The following RIDA variants were observed in gnomAD, a reference collection of about 807,000 sequenced individuals.
RIDA encodes reactive intermediate imine deaminase A.
A neutral mutation model predicts 17.8 loss-of-function variants in RIDA; 17 were observed. The ratio of observed to expected loss-of-function variants is 0.96; its 90% CI spans 0.65 to 1.43. The LOEUF is 1.43. Ranked by LOEUF, RIDA falls within the 40% of genes most tolerant of loss-of-function variation. RIDA has a pLI of 0.00. For synonymous variants in RIDA, 48 were observed against 55.7 expected (o/e 0.86, Z 0.62); for missense variants, 158 against 161.7 (o/e 0.98, Z 0.12).
Position 98,105,937 on chromosome 8 carries a change from C to T in RIDA, c.295+1G>A. On this transcript the variant is annotated splice_donor_variant, in intron 4 of 5. Coordinates refer to ENST00000254878, the MANE Select transcript of RIDA (RefSeq NM_005836.3). LOFTEE classifies it high-confidence loss of function. Reference sequence around the variant, plus strand: ...AATAGGAATAAAGCCAAATTACTTACACTGTTTGTAGATTTCATTGACAGT... The same window carrying T: ...AATAGGAATAAAGCCAAATTACTTATACTGTTTGTAGATTTCATTGACAGT... 6.3e-7 allele frequency: 1 copy of T among 1,589,248 alleles called. No homozygotes were observed. Among genetic ancestry groups the T allele is most frequent in the Non-Finnish European group, 8.6e-7 (1 of 1,158,178 alleles).
Position 98,102,827 on chromosome 8 carries a change from CA to C in RIDA, c.*14del, listed in dbSNP as rs1815578163. 3 of 1,578,504 alleles carry C rather than the reference CA, an allele frequency of 1.9e-6. No homozygotes were observed. The highest frequency in any genetic ancestry group is 2.6e-6 in the Non-Finnish European group (3 of 1,155,782). ...AAAATGTTAACAATTCCAGACTACA[CA>C]GCACTGGGCCCACTTATAGTGATGC... is the stretch of plus-strand genomic sequence containing the variant. On this transcript the variant is annotated 3_prime_UTR_variant, in exon 6 of 6. Transcript: ENST00000254878.
intron 4 of RIDA, among the ~76,000 whole-genome samples, chr8:98,104,774 G>A (rs889043226): frequency 1.1e-4 from 17 of 151,994 alleles, no homozygotes; most frequent in African/African-American, 3.9e-4. Context: ...GAAGTGATGC[G>A]ATCTCAGCTT....
chr8:98,107,535 A>G (rs1041436570), intron 2 of RIDA, among the ~76,000 whole-genome samples: 3 of 152,174 alleles, frequency 2.0e-5, no homozygotes, highest in African/African-American at 7.2e-5. Context: ...AAACAAAACA[A>G]AACAAAACAA....
At chr8:98,109,423 T>C (rs1358878268) in intron 1 of RIDA, among the ~76,000 whole-genome samples, 1 of 152,076 alleles carries the variant, frequency 6.6e-6, no homozygotes, top group Non-Finnish European at 1.5e-5. Flanking sequence ...TAGTAGTCAT[T>C]AGAGAAATGC....
intron 5 of RIDA, among the ~76,000 whole-genome samples, chr8:98,103,170 G>A (rs189527006): frequency 5.3e-5 from 8 of 152,274 alleles, no homozygotes; most frequent in Admixed American, 3.9e-4. Flanking sequence ...AGAATGATAT[G>A]CTGAAGTGTA....
intron 1 of RIDA, among the ~76,000 whole-genome samples, chr8:98,112,180 A>C (rs1185793484): frequency 7.4e-6 from 1 of 135,192 alleles, no homozygotes; most frequent in East Asian, 2.0e-4. Flanking sequence ...TGTTATCATA[A>C]ATAAAACTAT....
In RIDA at chr8:98,106,022, A is replaced by G; in HGVS notation, c.227-16T>C. The G allele has an allele frequency of 6.4e-7, 1 of 1,562,918 alleles. No individual in the cohort carries two copies. Among genetic ancestry groups the G allele is most frequent in the Non-Finnish European group, 8.8e-7 (1 of 1,133,678 alleles). On this transcript the variant is annotated splice_polypyrimidine_tract_variant and intron_variant, in intron 3 of 5. Coordinates refer to ENST00000254878, the MANE Select transcript of RIDA (RefSeq NM_005836.3). ...GTTTTCACCACTAGAAGATATAAAC[A>G]TTGTCATTAGGTTTAGTTATTTGGT...
At chr8:98,105,713 T>C (rs1438352733) in intron 4 of RIDA, among the ~76,000 whole-genome samples, 2 of 152,188 alleles carry the variant, frequency 1.3e-5, no homozygotes, top group East Asian at 1.9e-4. Flanking sequence ...AAAATGGATA[T>C]GTAGGATTTC....
At chr8:98,106,428 A>C in intron 2 of RIDA, 102 bp from the exon 3 acceptor site, 1 of 936,342 alleles carries the variant, frequency 1.1e-6, no homozygotes, top group Admixed American at 2.1e-5. Flanking sequence ...TAAATAGCCT[A>C]TGTTGCAGAA....
In RIDA at chr8:98,112,195, A is replaced by AACAC. The variant is rs56178607; in HGVS notation, c.66-3448_66-3445dup. Among the ~76,000 whole-genome samples, 690 of 148,054 alleles carry AACAC rather than the reference A, an allele frequency of 4.7e-3. 4 individuals are homozygous for AACAC. The highest frequency in any genetic ancestry group is 9.3e-3 in the South Asian group (43 of 4,614). ...TGTTATCATAAATAAAACTATACTA[A>AACAC]ACACACACACACACACACACACACA... On this transcript the variant is annotated intron_variant, in intron 1 of 5. Transcript: ENST00000254878.
chr8:98,105,312 G>A (rs566639850), intron 4 of RIDA, among the ~76,000 whole-genome samples: 227 of 152,220 alleles, frequency 1.5e-3, no homozygotes, highest in African/African-American at 5.2e-3. Context: ...TTCTTCAGGA[G>A]AGAATAAGTA....
At chr8:98,112,226 T>G (rs1032966815) in intron 1 of RIDA, among the ~76,000 whole-genome samples, 5 of 95,224 alleles carry the variant, frequency 5.3e-5, no homozygotes, top group African/African-American at 2.3e-4. Flanking sequence ...ACACACACTT[T>G]CTCTAAGTAA....
At position 98,102,769 on chromosome 8, in the gene RIDA, GTTAA is replaced by G. The variant is rs1815577109; in HGVS notation, c.*69_*72del. On this transcript the variant is annotated 3_prime_UTR_variant, in exon 6 of 6. Transcript: ENST00000254878. Reference sequence around the variant, plus strand: ...TGTCATCAATTGTGAAAATTAAAAGGTTAATTAAGATGTTACATCAATTGTAAAA... The same window carrying G: ...TGTCATCAATTGTGAAAATTAAAAGGTTAAGATGTTACATCAATTGTAAAA... The G allele has an allele frequency of 1.8e-5, 18 of 1,008,998 alleles. No homozygotes were observed. Among genetic ancestry groups the G allele is most frequent in the Non-Finnish European group, 2.4e-5 (16 of 678,310 alleles). The allele number at this position is 1,008,998 out of a possible 1,614,324, so 62.5% of individuals were successfully genotyped here. A position where few individuals can be genotyped will look rare whatever the true frequency, so the allele number is the denominator to read the frequency against.
At chr8:98,104,666 T>C in intron 4 of RIDA, 122 bp from the exon 5 acceptor site, 1 of 646,750 alleles carries the variant, frequency 1.5e-6, no homozygotes, top group South Asian at 1.8e-5. Flanking sequence ...ATTAATAATC[T>C]GGCAAATATT....
chr8:98,104,690 A>G, intron 4 of RIDA, 146 bp from the exon 5 acceptor site: 1 of 618,768 alleles, frequency 1.6e-6, no homozygotes, highest in Non-Finnish European at 2.8e-6. Flanking sequence ...TATACTAGTC[A>G]GTTCTTAGAT....
Position 98,102,414 on chromosome 8 carries a change from T to C in RIDA, c.*428A>G, listed in dbSNP as rs984374410. On this transcript the variant is annotated 3_prime_UTR_variant, in exon 6 of 6. Coordinates refer to ENST00000254878, the MANE Select transcript of RIDA (RefSeq NM_005836.3). ...AACATTTTGTTCCACTATCTTCTCC[T>C]TGATCTCAAATTTAAACACTTTAAT... The C allele has an allele frequency of 1.3e-5, 2 of 153,134 alleles. No individual in the cohort carries two copies. Among genetic ancestry groups the C allele is most frequent in the African/African-American group, 4.8e-5 (2 of 41,484 alleles). 9.5% of individuals were successfully genotyped at this position (153,134 alleles called of 1,614,324 possible). A position where few individuals can be genotyped will look rare whatever the true frequency, so the allele number is the denominator to read the frequency against.
rs956051312 is a variant in RIDA at position 98,117,140 on chromosome 8, C to T, written c.-44G>A. 2 of 1,574,548 alleles carry T rather than the reference C, an allele frequency of 1.3e-6. No homozygotes were observed. The highest frequency in any genetic ancestry group is 2.2e-5 in the South Asian group (2 of 90,310). On this transcript the variant is annotated 5_prime_UTR_variant, in exon 1 of 6. Coordinates refer to ENST00000254878, the MANE Select transcript of RIDA (RefSeq NM_005836.3). ...GCAGCCCCTTCAGGAGAAGAAGCCC[C>T]AGCACCAGCCCTGCTGGCTTCTTAC... is the stretch of plus-strand genomic sequence containing the variant.
chr8:98,106,733 C>T (rs1394296808), intron 2 of RIDA: 1 of 156,588 alleles, frequency 6.4e-6, no homozygotes, highest in African/African-American at 2.4e-5. Flanking sequence ...CTCAAAAAAA[C>T]AATATTAGTA....
At chr8:98,111,196 C>T (rs867782435) in intron 1 of RIDA, among the ~76,000 whole-genome samples, 1 of 151,776 alleles carries the variant, frequency 6.6e-6, no homozygotes, top group Admixed American at 6.6e-5. Flanking sequence ...ACATTGATAC[C>T]TGAAAAAAAG....
Sources: gnomAD v4.1 joint callset for allele counts (sites outside exome capture counted in the v4.1 genomes callset) on GRCh38, gnomAD v4.1.1 for gene constraint, MANE v1.5 for transcripts, NCBI Gene and HGNC (gene_info 2026-07-23, HGNC 2026-07-21) for gene names.